Variants in MICU3 observed in about 807,000 individuals in gnomAD.
The protein encoded by MICU3 is mitochondrial calcium uptake 3.
Under a neutral mutation model 66.5 loss-of-function variants are expected in MICU3, and 62 were observed. That is an observed-to-expected ratio of 0.93 (90% confidence interval 0.76 to 1.15). The LOEUF (loss-of-function observed/expected upper bound fraction) is 1.15. Among genes scored for constraint, MICU3 ranks in the 50% most tolerant of loss-of-function variants. The pLI is 0.00. For missense variants in MICU3, 779 were observed against 664.4 expected (o/e 1.17, Z -1.90); for synonymous variants, 308 against 240.7 (o/e 1.28, Z -2.59).
At chr8:17,081,268 C>T (rs912044825) in intron 4 of MICU3, among the ~76,000 whole-genome samples, 8 of 152,016 alleles carry the variant, frequency 5.3e-5, no homozygotes, top group Non-Finnish European at 1.0e-4. Context: ...GTGTTTTATC[C>T]AAGTGTTACT....
chr8:17,049,233 G>T (rs2150561892), intron 1 of MICU3, among the ~76,000 whole-genome samples: 1 of 152,232 alleles, frequency 6.6e-6, no homozygotes, highest in East Asian at 1.9e-4. Flanking sequence ...CCGAGGGAAG[G>T]GTGGTAGAGC....
chr8:17,030,366 G>A (rs563789688), intron 1 of MICU3, among the ~76,000 whole-genome samples: 3 of 152,310 alleles, frequency 2.0e-5, no homozygotes, highest in Non-Finnish European at 2.9e-5. Context: ...TCATCTGCAC[G>A]AAAGGGCTTC....
the MICU3 span, among the ~76,000 whole-genome samples, chr8:17,133,938 A>G: frequency 6.6e-5 from 10 of 152,164 alleles, no homozygotes; most frequent in Non-Finnish European, 1.3e-4. Flanking sequence ...ATAATATGTT[A>G]GACTATTTTG....
rs150469424 is a variant in MICU3 at position 17,042,524 on chromosome 8, C to G, written c.381+14864C>G. On this transcript the variant is annotated intron_variant, in intron 1 of 14. Transcript: ENST00000318063. ...CTTTCCTCTTTAAGTAAGTCCTTAC[C>G]CCTTTATTCTCTGATGTATTGATAT... Among the ~76,000 whole-genome samples, 1,036 of 152,146 alleles carry G rather than the reference C, an allele frequency of 6.8e-3. 11 individuals are homozygous for G. Among genetic ancestry groups the G allele is most frequent in the African/African-American group, 0.024 (995 of 41,508 alleles).
chr8:17,107,645 T>A (rs928834251), intron 11 of MICU3, among the ~76,000 whole-genome samples: 4 of 152,204 alleles, frequency 2.6e-5, no homozygotes, highest in African/African-American at 9.6e-5. Context: ...TCATTTAATA[T>A]ACTGTCTGCA....
intron 2 of MICU3, among the ~76,000 whole-genome samples, chr8:17,066,367 G>A (rs1818677989): frequency 6.6e-6 from 1 of 151,194 alleles, no homozygotes; most frequent in African/African-American, 2.4e-5. Flanking sequence ...CCATCTCCAA[G>A]GTAGAATATG....
At chr8:17,031,949 T>A (rs1812149961) in intron 1 of MICU3, among the ~76,000 whole-genome samples, 1 of 152,240 alleles carries the variant, frequency 6.6e-6, no homozygotes, top group Admixed American at 6.5e-5. Context: ...TCTTTACTTG[T>A]CTTAGCCCCT....
intron 8 of MICU3, among the ~76,000 whole-genome samples, chr8:17,095,917 A>G (rs1031758418): frequency 1.3e-5 from 2 of 151,984 alleles, no homozygotes; most frequent in African/African-American, 4.8e-5. Flanking sequence ...AGAAAGTTCT[A>G]TCAATAACAG....
intron 1 of MICU3, among the ~76,000 whole-genome samples, chr8:17,061,454 AAGG>A: frequency 6.6e-6 from 1 of 152,294 alleles, no homozygotes; most frequent in East Asian, 1.9e-4. Flanking sequence ...GACTATGCTT[AAGG>A]AAAGAAAGTT....
intron 1 of MICU3, among the ~76,000 whole-genome samples, chr8:17,063,207 TTC>T (rs1234481375): frequency 1.3e-5 from 2 of 152,174 alleles, no homozygotes; most frequent in African/African-American, 4.8e-5. Flanking sequence ...AATTTTTAGA[TTC>T]TGTCTTCTAA....
At chr8:17,135,529 C>G in the MICU3 span, among the ~76,000 whole-genome samples, 2 of 151,944 alleles carry the variant, frequency 1.3e-5, no homozygotes, top group Admixed American at 1.3e-4. Context: ...TCAATTGATT[C>G]TCTTAGGTTT....
rs569850350 is a variant in MICU3, at chr8:17,061,090, G to A, written c.382-2994G>A. On this transcript the variant is annotated intron_variant, in intron 1 of 14. Coordinates refer to ENST00000318063, the MANE Select transcript of MICU3 (RefSeq NM_181723.3). ...TCTCACTTCAACATGGGATGGATTA[G>A]AGGTAACAATCACAGGGCATTACTA... Among the ~76,000 whole-genome samples, 21 of 152,274 alleles carry A rather than the reference G, an allele frequency of 1.4e-4. 1 individual carries two copies. In the South Asian group the frequency reaches 4.4e-3, roughly 32 times the overall value.
At chr8:17,118,153 A>C (rs1402050908) in intron 13 of MICU3, among the ~76,000 whole-genome samples, 1 of 152,182 alleles carries the variant, frequency 6.6e-6, no homozygotes, top group Non-Finnish European at 1.5e-5. Context: ...AGATCAAATT[A>C]AATATAAAGT....
chr8:17,110,280 A>G (rs1019467899), intron 11 of MICU3, among the ~76,000 whole-genome samples: 4 of 152,298 alleles, frequency 2.6e-5, no homozygotes, highest in Admixed American at 6.5e-5. Flanking sequence ...TGTATAACAA[A>G]AAATTAACCG....
At chr8:17,067,657 C>T (rs1365812630) in intron 2 of MICU3, among the ~76,000 whole-genome samples, 1 of 152,066 alleles carries the variant, frequency 6.6e-6, no homozygotes, top group Non-Finnish European at 1.5e-5. Context: ...CCAGGCTGGT[C>T]TCAAACTCCT....
intron 13 of MICU3, among the ~76,000 whole-genome samples, chr8:17,117,645 G>C (rs1223960900): frequency 7.9e-6 from 1 of 126,596 alleles, no homozygotes; most frequent in Non-Finnish European, 1.6e-5. Context: ...GTCTTGCTCT[G>C]TTGCCCAGGC....
In MICU3 at chr8:17,077,779, A is replaced by G. The variant is rs1010410931; in HGVS notation, c.568-4A>G. 1.3e-5 allele frequency: 21 copies of G among 1,605,322 alleles called. No homozygotes were observed. The highest frequency in any genetic ancestry group is 1.7e-4 in the Middle Eastern group (1 of 6,024). On this transcript the variant is annotated splice_polypyrimidine_tract_variant and splice_region_variant and intron_variant, in intron 3 of 14. Transcript: ENST00000318063. Reference sequence around the variant, plus strand: ...ATTCATCAGTAGTATAACTTCTGTCATAGGAATTAAATCAAATGCTCGCAG... The same window carrying G: ...ATTCATCAGTAGTATAACTTCTGTCGTAGGAATTAAATCAAATGCTCGCAG...
chr8:17,099,944 T>G (rs964574696), intron 9 of MICU3, among the ~76,000 whole-genome samples: 4 of 151,820 alleles, frequency 2.6e-5, no homozygotes, highest in East Asian at 1.9e-4. Context: ...GAATTTAATT[T>G]AAATCTTGGG....
At position 17,043,090 on chromosome 8, in the gene MICU3, C is replaced by T. The variant is rs1408666135; in HGVS notation, c.381+15430C>T. Among the ~76,000 whole-genome samples, 4 of 151,560 alleles carry T rather than the reference C, an allele frequency of 2.6e-5. 1 individual carries two copies. The highest frequency in any genetic ancestry group is 1.3e-4 in the Admixed American group (2 of 15,216). On this transcript the variant is annotated intron_variant, in intron 1 of 14. Coordinates refer to ENST00000318063, the MANE Select transcript of MICU3 (RefSeq NM_181723.3). ...GAGTAGCTGGGACTACAGGCGCCCACCACCACGCCCGGCTAATTTTTTGTA... is the reference window on the plus strand; with the variant it reads ...GAGTAGCTGGGACTACAGGCGCCCATCACCACGCCCGGCTAATTTTTTGTA...
Sources: allele counts gnomAD v4.1 joint callset (sites outside exome capture counted in the v4.1 genomes callset), GRCh38; gene constraint gnomAD v4.1.1; transcripts MANE v1.5; gene names NCBI Gene and HGNC (gene_info 2026-07-23, HGNC 2026-07-21).